The following PSMB2 variants were observed in gnomAD, a reference collection of about 807,000 sequenced individuals.
PSMB2 encodes proteasome subunit beta type-2.
A neutral mutation model predicts 25.7 loss-of-function variants in PSMB2; 13 were observed. The ratio of observed to expected loss-of-function variants is 0.51; its 90% CI spans 0.33 to 0.80. The LOEUF is 0.80. Among genes scored for constraint, PSMB2 ranks in the 30% least tolerant of loss-of-function variants. The pLI, the probability that PSMB2 is intolerant of heterozygous loss-of-function variation, is 0.02. For synonymous variants in PSMB2, 87 were observed against 96.2 expected (o/e 0.90, Z 0.56); for missense variants, 202 against 259.0 (o/e 0.78, Z 1.51).
intron 3 of PSMB2, among the ~76,000 whole-genome samples, chr1:35,624,333 T>A (rs555944336): frequency 2.2e-3 from 335 of 152,280 alleles, no homozygotes; most frequent in Non-Finnish European, 3.7e-3. Flanking sequence ...GTATTAACCC[T>A]CCTATTGCAG....
intron 5 of PSMB2, among the ~76,000 whole-genome samples, chr1:35,603,782 G>A (rs1650077558): frequency 6.6e-6 from 1 of 152,178 alleles, no homozygotes. Context: ...AGGAGCTGTG[G>A]CTCAGGCCTG....
intron 4 of PSMB2, among the ~76,000 whole-genome samples, chr1:35,607,786 G>T (rs1048315615): frequency 3.3e-5 from 5 of 152,124 alleles, no homozygotes; most frequent in African/African-American, 1.2e-4. Flanking sequence ...GCCAAGATAT[G>T]GAACCAACCT....
At chr1:35,620,371 C>A (rs1178142215) in intron 3 of PSMB2, among the ~76,000 whole-genome samples, 1 of 152,154 alleles carries the variant, frequency 6.6e-6, no homozygotes, top group Admixed American at 6.5e-5. Flanking sequence ...CCTCATTGGT[C>A]TCCCCGCTTC....
chr1:35,629,154 G>A (rs1651009824), intron 3 of PSMB2, among the ~76,000 whole-genome samples: 1 of 152,106 alleles, frequency 6.6e-6, no homozygotes, highest in African/African-American at 2.4e-5. Flanking sequence ...AATGCTTTGG[G>A]CAAAAGTCAC....
At chr1:35,615,740 T>C (rs1035316271) in intron 3 of PSMB2, among the ~76,000 whole-genome samples, 1 of 152,164 alleles carries the variant, frequency 6.6e-6, no homozygotes, top group Non-Finnish European at 1.5e-5. Context: ...CCACCTCTAA[T>C]TGAATGGGAC....
At chr1:35,627,325 T>C (rs1650896246) in intron 3 of PSMB2, among the ~76,000 whole-genome samples, 1 of 149,264 alleles carries the variant, frequency 6.7e-6, no homozygotes, top group Non-Finnish European at 1.5e-5. Context: ...TTATAGCCAT[T>C]AAATTGCTTC....
intron 4 of PSMB2, among the ~76,000 whole-genome samples, chr1:35,608,272 C>T (rs1050496323): frequency 6.6e-6 from 1 of 151,304 alleles, no homozygotes; most frequent in Non-Finnish European, 1.5e-5. Context: ...GGCTGAGGCA[C>T]GAGAATTGCT....
In PSMB2 at chr1:35,600,754, G is replaced by A. The variant is rs1300268639; in HGVS notation, c.*2513C>T. ...AAACACTGAGAGTCAGGATGGGTTT[G>A]CAGGCTTGCCTGAGATTGCCCTGGG... On this transcript the variant is annotated 3_prime_UTR_variant, in exon 6 of 6. Transcript: ENST00000373237. The A allele has an allele frequency of 6.1e-6, 6 of 985,352 alleles. No individual in the cohort carries two copies. The highest frequency in any genetic ancestry group is 7.2e-6 in the Non-Finnish European group (6 of 829,948). The allele number at this position is 985,352 out of a possible 1,614,324, so 61.0% of individuals were successfully genotyped here.
chr1:35,641,255 T>C, intron 1 of PSMB2, 87 bp downstream of exon 1: 1 of 1,522,252 alleles, frequency 6.6e-7, no homozygotes, highest in Non-Finnish European at 9.0e-7. Flanking sequence ...TCTCAGATCC[T>C]CCCTGGTACT....
chr1:35,621,951 G>T (rs542226464), intron 3 of PSMB2, among the ~76,000 whole-genome samples: 1 of 151,868 alleles, frequency 6.6e-6, no homozygotes, highest in South Asian at 2.1e-4. Context: ...AGCCTAGACA[G>T]CACCACTGCA....
At chr1:35,627,258 CAAAAAAAAAA>C (rs772688881) in intron 3 of PSMB2, among the ~76,000 whole-genome samples, 2 of 36,446 alleles carry the variant, frequency 5.5e-5, no homozygotes, top group Non-Finnish European at 1.3e-4. Flanking sequence ...GACCCTATCT[CAAAAAAAAAA>C]AAAAAAAAAA....
At chr1:35,621,617 T>C (rs187094874) in intron 3 of PSMB2, among the ~76,000 whole-genome samples, 1 of 152,234 alleles carries the variant, frequency 6.6e-6, no homozygotes, top group African/African-American at 2.4e-5. Context: ...GCCCTTTTTT[T>C]TTCATTTTTA....
chr1:35,638,337 T>C (rs1291657450), intron 1 of PSMB2, among the ~76,000 whole-genome samples: 1 of 152,124 alleles, frequency 6.6e-6, no homozygotes, highest in Non-Finnish European at 1.5e-5. Flanking sequence ...TCCACATACA[T>C]GAAACAAATG....
Position 35,603,382 on chromosome 1 carries a change from G to A in PSMB2, c.499-8C>T. On this transcript the variant is annotated splice_polypyrimidine_tract_variant and splice_region_variant and intron_variant, in intron 5 of 5. Coordinates refer to ENST00000373237, the MANE Select transcript of PSMB2 (RefSeq NM_002794.5). ...GATGAAGCGTTTCTGGAGCTGCAGA[G>A]AGACATGGAGGAAATCAGTCAACAA... 1 of 1,613,874 alleles carries A rather than the reference G, an allele frequency of 6.2e-7. No homozygotes were observed. The highest frequency in any genetic ancestry group is 1.1e-5 in the South Asian group (1 of 91,038).
intron 1 of PSMB2, among the ~76,000 whole-genome samples, chr1:35,640,590 A>G (rs1651365420): frequency 6.6e-6 from 1 of 152,132 alleles, no homozygotes; most frequent in Non-Finnish European, 1.5e-5. Flanking sequence ...CCAGGATCCC[A>G]CCTTATGCCG....
intron 3 of PSMB2, among the ~76,000 whole-genome samples, chr1:35,629,512 ACAGGTAAGTACGC>A (rs920707794): frequency 2.0e-4 from 30 of 152,348 alleles, no homozygotes; most frequent in African/African-American, 6.7e-4. Context: ...ATAGAAAAAC[ACAGGTAAGTACGC>A]CAGGTACAGT....
intron 3 of PSMB2, among the ~76,000 whole-genome samples, chr1:35,611,701 A>G (rs1299526143): frequency 6.6e-6 from 1 of 152,080 alleles, no homozygotes; most frequent in Non-Finnish European, 1.5e-5. Context: ...GCACGAGCCT[A>G]TAATCCCAGC....
intron 5 of PSMB2, 52 bp downstream of exon 5, chr1:35,605,180 CT>C: frequency 6.5e-7 from 1 of 1,540,360 alleles, no homozygotes; most frequent in Non-Finnish European, 8.9e-7. Context: ...AGGAACAACA[CT>C]GGCAAACAGA....
At chr1:35,639,623 T>TATG (rs1651337424) in intron 1 of PSMB2, among the ~76,000 whole-genome samples, 1 of 152,236 alleles carries the variant, frequency 6.6e-6, no homozygotes, top group Admixed American at 6.5e-5. Context: ...AAGTACTGTG[T>TATG]ACATAAGTAG....
Sources: gnomAD v4.1 joint callset for allele counts (sites outside exome capture counted in the v4.1 genomes callset) on GRCh38, gnomAD v4.1.1 for gene constraint, MANE v1.5 for transcripts, NCBI Gene and HGNC (gene_info 2026-07-23, HGNC 2026-07-21) for gene names.